The following ABCG2 variants were observed in gnomAD, a reference collection of about 807,000 sequenced individuals.
The protein encoded by ABCG2 is ATP binding cassette subfamily G member 2 (JR blood group), also known as broad substrate specificity ATP-binding cassette transporter ABCG2.
A neutral mutation model predicts 73.5 loss-of-function variants in ABCG2; 80 were observed. The ratio of observed to expected loss-of-function variants is 1.09; its 90% CI spans 0.91 to 1.31. The LOEUF (loss-of-function observed/expected upper bound fraction) is 1.31. Ranked by LOEUF, ABCG2 falls within the 50% of genes most tolerant of loss-of-function variation. The pLI is 0.00. For synonymous variants in ABCG2, 269 were observed against 282.4 expected (o/e 0.95, Z 0.48); for missense variants, 796 against 786.2 (o/e 1.01, Z -0.15).
intron 9 of ABCG2, among the ~76,000 whole-genome samples, chr4:88,111,668 T>C (rs1227680209): frequency 6.6e-6 from 1 of 152,176 alleles, no homozygotes; most frequent in Non-Finnish European, 1.5e-5. Context: ...TGCCATCTTT[T>C]AGTACTCAAC....
intron 1 of ABCG2, among the ~76,000 whole-genome samples, chr4:88,143,442 A>G (rs1200147029): frequency 6.6e-6 from 1 of 152,170 alleles, no homozygotes; most frequent in Non-Finnish European, 1.5e-5. Flanking sequence ...TAGCTCACTG[A>G]CTCAAGACGG....
chr4:88,169,605 G>A (rs1344747711), intron 1 of ABCG2, among the ~76,000 whole-genome samples: 9 of 152,102 alleles, frequency 5.9e-5, no homozygotes, highest in Admixed American at 5.9e-4. Context: ...CTAAATGGAG[G>A]CCCAAAATGT....
intron 1 of ABCG2, among the ~76,000 whole-genome samples, chr4:88,168,527 T>G (rs1727630394): frequency 6.6e-6 from 1 of 151,472 alleles, no homozygotes; most frequent in Non-Finnish European, 1.5e-5. Context: ...TTTATTTGGT[T>G]ATAAAGTTCA....
intron 1 of ABCG2, among the ~76,000 whole-genome samples, chr4:88,192,319 T>A (rs549851101): frequency 1.3e-5 from 2 of 152,340 alleles, no homozygotes; most frequent in East Asian, 3.9e-4. Context: ...CTATTCTATA[T>A]GTTTATTTAA....
intron 10 of ABCG2, among the ~76,000 whole-genome samples, chr4:88,104,965 G>A (rs573694875): frequency 6.6e-6 from 1 of 152,200 alleles, no homozygotes; most frequent in South Asian, 2.1e-4. Flanking sequence ...CTCTCCAAAT[G>A]CTTCCTGCTG....
intron 1 of ABCG2, among the ~76,000 whole-genome samples, chr4:88,226,071 G>A (rs1009394485): frequency 6.6e-6 from 1 of 152,118 alleles, no homozygotes; most frequent in Non-Finnish European, 1.5e-5. Context: ...GATCTGGGTG[G>A]GGACACAGCC....
chr4:88,197,312 A>T (rs974153083), intron 1 of ABCG2, among the ~76,000 whole-genome samples: 1 of 152,178 alleles, frequency 6.6e-6, no homozygotes, highest in Non-Finnish European at 1.5e-5. Context: ...GGAATTAAAA[A>T]TAACTATGAT....
chr4:88,151,328 C>T (rs1401032471), intron 1 of ABCG2, among the ~76,000 whole-genome samples: 1 of 152,158 alleles, frequency 6.6e-6, no homozygotes, highest in Admixed American at 6.6e-5. Flanking sequence ...AACCACACAG[C>T]ATTGTGCCTA....
chr4:88,222,162 C>A (rs1224932700), intron 1 of ABCG2, among the ~76,000 whole-genome samples: 1 of 152,212 alleles, frequency 6.6e-6, no homozygotes, highest in South Asian at 2.1e-4. Context: ...AAAGCCTTGG[C>A]AGCTTCCATA....
intron 1 of ABCG2, among the ~76,000 whole-genome samples, chr4:88,209,900 A>G (rs1318656779): frequency 6.6e-6 from 1 of 152,184 alleles, no homozygotes; most frequent in Non-Finnish European, 1.5e-5. Context: ...ACTAATAAAC[A>G]GAATCTTCTC....
chr4:88,199,736 A>G (rs1050255919), intron 1 of ABCG2, among the ~76,000 whole-genome samples: 1 of 152,242 alleles, frequency 6.6e-6, no homozygotes, highest in Non-Finnish European at 1.5e-5. Flanking sequence ...GCAGTGGCTT[A>G]CGCCTGTGGT....
intron 1 of ABCG2, among the ~76,000 whole-genome samples, chr4:88,203,784 A>T (rs1729277143): frequency 6.6e-6 from 1 of 151,834 alleles, no homozygotes; most frequent in Non-Finnish European, 1.5e-5. Context: ...AAGAAACTTA[A>T]ACTCATGTTT....
intron 1 of ABCG2, among the ~76,000 whole-genome samples, chr4:88,177,235 A>G (rs1036078564): frequency 1.2e-4 from 19 of 152,078 alleles, no homozygotes; most frequent in African/African-American, 3.1e-4. Flanking sequence ...ATTAGCCAGC[A>G]TGGTGGCAGG....
At chr4:88,124,507 C>T (rs1245611530) in intron 5 of ABCG2, among the ~76,000 whole-genome samples, 3 of 152,114 alleles carry the variant, frequency 2.0e-5, no homozygotes, top group Admixed American at 6.5e-5. Flanking sequence ...GCAGGGGTTG[C>T]AATCCCAGTC....
chr4:88,164,033 A>T (rs1194047112), upstream of ABCG2: 1 of 153,928 alleles, frequency 6.5e-6, no homozygotes, highest in East Asian at 1.9e-4. Flanking sequence ...TTAAAAAGGA[A>T]ATTGATATGG....
intron 1 of ABCG2, among the ~76,000 whole-genome samples, chr4:88,153,791 G>T (rs1043283417): frequency 5.3e-5 from 8 of 152,160 alleles, no homozygotes; most frequent in Non-Finnish European, 1.0e-4. Flanking sequence ...CGGGGCATGT[G>T]AGTAAAGCTA....
rs566038236 is a variant in ABCG2 at position 88,136,533 on chromosome 4, C to G, written c.203+3260G>C. On this transcript the variant is annotated intron_variant, in intron 2 of 15. Coordinates refer to ENST00000237612, the MANE Select transcript of ABCG2 (RefSeq NM_004827.3). Reference sequence around the variant, plus strand: ...TGTGCCTGGGAAACATAGTGAAACCCTATCTCTACAAAAAACTTAAAAGTT... The same window carrying G: ...TGTGCCTGGGAAACATAGTGAAACCGTATCTCTACAAAAAACTTAAAAGTT... Among the ~76,000 whole-genome samples the G allele has an allele frequency of 9.7e-4, 147 of 152,174 alleles. No homozygotes were observed. The Middle Eastern group carries it at 0.01, about 11-fold the overall frequency.
intron 2 of ABCG2, among the ~76,000 whole-genome samples, chr4:88,136,282 T>A (rs1725238511): frequency 6.6e-6 from 1 of 152,040 alleles, no homozygotes; most frequent in African/African-American, 2.4e-5. Flanking sequence ...CTTCTCTAGG[T>A]CTCACTCCAC....
intron 1 of ABCG2, among the ~76,000 whole-genome samples, chr4:88,226,983 G>A (rs1578293552): frequency 6.6e-6 from 1 of 152,082 alleles, no homozygotes; most frequent in Non-Finnish European, 1.5e-5. Context: ...GTGGTGGTGC[G>A]TGCCTGTGGT....
Sources: allele counts gnomAD v4.1 joint callset (sites outside exome capture counted in the v4.1 genomes callset), GRCh38; gene constraint gnomAD v4.1.1; transcripts MANE v1.5; gene names NCBI Gene and HGNC (gene_info 2026-07-23, HGNC 2026-07-21).